The following DEPTOR variants were observed in gnomAD, a reference collection of about 807,000 sequenced individuals.
DEPTOR encodes the protein DEP domain-containing mTOR-interacting protein.
DEPTOR carries 41 observed loss-of-function variants against 41.6 expected under a neutral mutation model. The ratio of observed to expected loss-of-function variants is 0.98; its 90% confidence interval spans 0.77 to 1.28. DEPTOR has a LOEUF of 1.28. Ranked by LOEUF, DEPTOR falls within the 50% of genes most tolerant of loss-of-function variation. The pLI is 0.00. For synonymous variants in DEPTOR, 195 were observed against 192.3 expected (o/e 1.01, Z -0.12); for missense variants, 514 against 527.9 (o/e 0.97, Z 0.26).
intron 3 of DEPTOR, among the ~76,000 whole-genome samples, chr8:119,945,992 C>T (rs1490458034): frequency 5.9e-5 from 9 of 152,156 alleles, no homozygotes; most frequent in Non-Finnish European, 1.3e-4. Context: ...AAGGCTTTGT[C>T]CACGCAAACC....
intron 8 of DEPTOR, among the ~76,000 whole-genome samples, chr8:120,021,230 C>T (rs1812708859): frequency 1.3e-5 from 2 of 151,874 alleles, no homozygotes; most frequent in Admixed American, 1.3e-4. Context: ...TGGCGAAACC[C>T]CGTCTCTACT....
At chr8:119,954,876 T>G (rs1404409380) in intron 3 of DEPTOR, among the ~76,000 whole-genome samples, 1 of 130,142 alleles carries the variant, frequency 7.7e-6, no homozygotes, top group Non-Finnish European at 1.7e-5. Flanking sequence ...GTGTGTGTGT[T>G]TTGAGACAGT....
At chr8:120,047,961 G>A (rs776182032) in intron 8 of DEPTOR, among the ~76,000 whole-genome samples, 1 of 151,794 alleles carries the variant, frequency 6.6e-6, no homozygotes, top group Admixed American at 6.6e-5. Context: ...TGGGAGGATC[G>A]CTTGAGCCTG....
intron 1 of DEPTOR, among the ~76,000 whole-genome samples, chr8:119,925,128 G>A (rs1018307243): frequency 1.3e-5 from 2 of 152,186 alleles, no homozygotes; most frequent in African/African-American, 4.8e-5. Flanking sequence ...GGTGGCTCAC[G>A]CCTGTAATCA....
intron 3 of DEPTOR, among the ~76,000 whole-genome samples, chr8:119,933,667 C>T (rs924945596): frequency 2.0e-5 from 3 of 152,002 alleles, no homozygotes; most frequent in Admixed American, 2.0e-4. Context: ...ACACAGTTTG[C>T]GAGGGACAGG....
intron 1 of DEPTOR, among the ~76,000 whole-genome samples, chr8:119,890,449 C>T (rs1827438572): frequency 1.3e-5 from 2 of 151,958 alleles, no homozygotes; most frequent in African/African-American, 4.8e-5. Context: ...ATTACATGCG[C>T]CCGCCACCAT....
chr8:120,038,651 G>T (rs1813015143), intron 8 of DEPTOR, among the ~76,000 whole-genome samples: 1 of 151,236 alleles, frequency 6.6e-6, no homozygotes, highest in Non-Finnish European at 1.5e-5. Flanking sequence ...AAGAAGAAAA[G>T]AAAAGAGGTG....
chr8:119,897,254 G>A lies in DEPTOR; in HGVS notation c.122+23286G>A, dbSNP rs183357092. ...TAAGGATCATTAAAACATATTCCAG[G>A]TCGGGAGCGGTGGCCCACACCTGTA... On this transcript the variant is annotated intron_variant, in intron 1 of 8. Coordinates refer to ENST00000286234, the MANE Select transcript of DEPTOR (RefSeq NM_022783.4). Among the ~76,000 whole-genome samples, 23 of 152,244 alleles carry A rather than the reference G, an allele frequency of 1.5e-4. No individual in the cohort carries two copies. The East Asian group carries it at 3.7e-3, about 24-fold the overall frequency.
At chr8:119,878,617 A>G (rs13275528) in intron 1 of DEPTOR, among the ~76,000 whole-genome samples, 78,171 of 151,458 alleles carry the variant, frequency 0.52, 21,369 homozygotes, top group East Asian at 0.92. Flanking sequence ...GTGAGCCACC[A>G]TGCCCGGCCA....
At chr8:120,030,099 A>G (rs990344689) in intron 8 of DEPTOR, among the ~76,000 whole-genome samples, 2 of 152,186 alleles carry the variant, frequency 1.3e-5, no homozygotes, top group East Asian at 3.9e-4. Flanking sequence ...GGCACAAACC[A>G]TATCCTCGTA....
At chr8:120,004,437 G>A (rs1343070309) in intron 6 of DEPTOR, among the ~76,000 whole-genome samples, 1 of 152,176 alleles carries the variant, frequency 6.6e-6, no homozygotes, top group Non-Finnish European at 1.5e-5. Context: ...GAAATGGGAT[G>A]TTTGAAGCCT....
At chr8:120,013,248 G>A (rs1008581068) in intron 8 of DEPTOR, among the ~76,000 whole-genome samples, 1 of 151,650 alleles carries the variant, frequency 6.6e-6, no homozygotes, top group African/African-American at 2.4e-5. Context: ...TGACTATACA[G>A]AGATATACAT....
rs73705881 is a variant in DEPTOR at position 120,011,583 on chromosome 8, G to A, written c.1101+2450G>A. Among the ~76,000 whole-genome samples, 10 of 152,234 alleles carry A rather than the reference G, an allele frequency of 6.6e-5. No individual in the cohort carries two copies. The South Asian group carries it at 1.0e-3, about 16-fold the overall frequency. ...TTCAGTTCTGAGTGTGCACTCACTCGCATGATGCTTTGGCTTAAAGAGCAT... is the reference window on the plus strand; with the variant it reads ...TTCAGTTCTGAGTGTGCACTCACTCACATGATGCTTTGGCTTAAAGAGCAT... On this transcript the variant is annotated intron_variant, in intron 8 of 8. Coordinates refer to ENST00000286234, the MANE Select transcript of DEPTOR (RefSeq NM_022783.4).
intron 3 of DEPTOR, among the ~76,000 whole-genome samples, chr8:119,945,260 A>G (rs960113104): frequency 6.6e-6 from 1 of 152,224 alleles, no homozygotes; most frequent in African/African-American, 2.4e-5. Context: ...AAATTTCAGT[A>G]AAACTAGTAG....
At chr8:119,995,619 G>T (rs565499940) in intron 4 of DEPTOR, among the ~76,000 whole-genome samples, 64 of 151,134 alleles carry the variant, frequency 4.2e-4, no homozygotes, top group Non-Finnish European at 7.1e-4. Context: ...AAAAGAAAAA[G>T]AAATTTCTCA....
intron 1 of DEPTOR, among the ~76,000 whole-genome samples, chr8:119,893,947 G>A (rs778239155): frequency 1.3e-5 from 2 of 152,198 alleles, no homozygotes; most frequent in Non-Finnish European, 2.9e-5. Context: ...GACAGGTGTT[G>A]AGGGAAAGGC....
chr8:119,888,983 A>G (rs1268036393), intron 1 of DEPTOR, among the ~76,000 whole-genome samples: 2 of 151,954 alleles, frequency 1.3e-5, no homozygotes, highest in East Asian at 3.8e-4. Flanking sequence ...GCCTGGGCGG[A>G]AAAGGGCAAA....
At chr8:119,916,065 C>T (rs1827808708) in intron 1 of DEPTOR, among the ~76,000 whole-genome samples, 1 of 151,668 alleles carries the variant, frequency 6.6e-6, no homozygotes, top group East Asian at 1.9e-4. Context: ...CTCTATCATT[C>T]CCATTTTACA....
At chr8:120,037,402 A>T (rs1812995069) in intron 8 of DEPTOR, among the ~76,000 whole-genome samples, 1 of 152,228 alleles carries the variant, frequency 6.6e-6, no homozygotes, top group Admixed American at 6.5e-5. Context: ...TTATTTATAC[A>T]CATCTCCAGT....
Sources: gnomAD v4.1 joint callset for allele counts (sites outside exome capture counted in the v4.1 genomes callset) on GRCh38, gnomAD v4.1.1 for gene constraint, MANE v1.5 for transcripts, NCBI Gene and HGNC (gene_info 2026-07-23, HGNC 2026-07-21) for gene names.